The following CNTN5 variants were observed in gnomAD, a reference collection of about 807,000 sequenced individuals.
The protein encoded by CNTN5 is contactin-5.
CNTN5 carries 77 observed loss-of-function variants against 129.1 expected under a neutral mutation model. The observed-to-expected ratio is 0.60, with a 90% CI of 0.50 to 0.72. The LOEUF (loss-of-function observed/expected upper bound fraction) is 0.72, where lower values mean the gene tolerates loss of function less well. CNTN5 is among the 30% of genes least tolerant of loss of function. The probability of loss-of-function intolerance (pLI) is 0.00; values close to 1 mark genes in which losing one functional copy is unlikely to be tolerated. For synonymous variants in CNTN5, 509 were observed against 465.6 expected (o/e 1.09, Z -1.20); for missense variants, 1,478 against 1,328.8 (o/e 1.11, Z -1.75).
chr11:100,065,893 T>C (rs1943674528), intron 10 of CNTN5, among the ~76,000 whole-genome samples: 1 of 152,198 alleles, frequency 6.6e-6, no homozygotes. Flanking sequence ...ACGTTAGGTC[T>C]GATCTTTAAA....
chr11:99,634,798 T>C (rs1412184190), intron 3 of CNTN5, among the ~76,000 whole-genome samples: 1 of 152,108 alleles, frequency 6.6e-6, no homozygotes, highest in Non-Finnish European at 1.5e-5. Flanking sequence ...GGAGATGGAT[T>C]GGAACAGAAG....
chr11:99,377,226 T>C (rs923930247), intron 2 of CNTN5, among the ~76,000 whole-genome samples: 3 of 152,108 alleles, frequency 2.0e-5, no homozygotes, highest in Non-Finnish European at 4.4e-5. Context: ...GTCTCTCATA[T>C]TTTGGGGGAG....
chr11:99,238,355 A>G (rs1171279423), intron 1 of CNTN5, among the ~76,000 whole-genome samples: 1 of 152,158 alleles, frequency 6.6e-6, no homozygotes, highest in African/African-American at 2.4e-5. Flanking sequence ...ATTAGAGAGA[A>G]TCGATTGGCA....
Position 100,270,167 on chromosome 11 carries a change from A to T in CNTN5, c.2165-925A>T, listed in dbSNP as rs1591457415. Among the ~76,000 whole-genome samples the T allele has an allele frequency of 3.9e-5, 6 of 152,282 alleles. No individual in the cohort carries two copies. In the South Asian group the frequency reaches 1.2e-3, roughly 32 times the overall value. On this transcript the variant is annotated intron_variant, in intron 17 of 24. Coordinates refer to ENST00000524871, the MANE Select transcript of CNTN5 (RefSeq NM_014361.4). The stretch of plus-strand genomic sequence containing the variant: ...GGCAGCTCACACTGCCTATGCTCTG[A>T]GCATTCACCTTTCACAGAGCTACTT...
intron 1 of CNTN5, among the ~76,000 whole-genome samples, chr11:99,179,352 G>T (rs1457257870): frequency 6.6e-6 from 1 of 152,124 alleles, no homozygotes; most frequent in Non-Finnish European, 1.5e-5. Flanking sequence ...TGAGGCAGGA[G>T]AATTGCTCGA....
intron 6 of CNTN5, among the ~76,000 whole-genome samples, chr11:99,850,432 A>G (rs1947836546): frequency 1.3e-5 from 2 of 152,162 alleles, no homozygotes; most frequent in South Asian, 4.1e-4. Flanking sequence ...TGATGTAGCA[A>G]AAATAAAATT....
At chr11:99,561,946 G>A (rs1287157500) in intron 3 of CNTN5, among the ~76,000 whole-genome samples, 1 of 152,170 alleles carries the variant, frequency 6.6e-6, no homozygotes, top group Non-Finnish European at 1.5e-5. Flanking sequence ...CTGGAGATCA[G>A]AATATGCCAC....
At chr11:99,268,230 A>C (rs888907532) in intron 1 of CNTN5, among the ~76,000 whole-genome samples, 1 of 152,012 alleles carries the variant, frequency 6.6e-6, no homozygotes, top group Non-Finnish European at 1.5e-5. Flanking sequence ...TAGCTATTAA[A>C]GAAAGGTGCC....
chr11:99,580,695 A>G lies in CNTN5; in HGVS notation c.55+24426A>G, dbSNP rs1373886433. On this transcript the variant is annotated intron_variant, in intron 3 of 24. Coordinates refer to ENST00000524871, the MANE Select transcript of CNTN5 (RefSeq NM_014361.4). ...GGTGATATCCCCTTTGTCATTTTTTATTGCATCTATTTGATTCTTCTCTCT... is the reference window on the plus strand; with the variant it reads ...GGTGATATCCCCTTTGTCATTTTTTGTTGCATCTATTTGATTCTTCTCTCT... Among the ~76,000 whole-genome samples the G allele has an allele frequency of 2.6e-5, 4 of 151,444 alleles. No individual in the cohort carries two copies. In the East Asian group the frequency reaches 7.8e-4, roughly 30 times the overall value.
At chr11:100,040,109 T>A (rs1472383197) in intron 9 of CNTN5, among the ~76,000 whole-genome samples, 2 of 152,174 alleles carry the variant, frequency 1.3e-5, no homozygotes, top group Non-Finnish European at 2.9e-5. Context: ...TTTATCTACC[T>A]TTGGTCTTTG....
chr11:99,681,497 T>C lies in CNTN5; in HGVS notation c.55+125228T>C, dbSNP rs140549907. ...CCCACCAGCAGCAAAAGATGACCAT[T>C]TGTGGAAGGCTTAGATGATAGCATT... On this transcript the variant is annotated intron_variant, in intron 3 of 24. Coordinates refer to ENST00000524871, the MANE Select transcript of CNTN5 (RefSeq NM_014361.4). Among the ~76,000 whole-genome samples, 294 of 152,194 alleles carry C rather than the reference T, an allele frequency of 1.9e-3. 3 individuals are homozygous for C. Among genetic ancestry groups the C allele is most frequent in the Middle Eastern group, 6.8e-3 (2 of 294 alleles).
chr11:99,294,420 G>A (rs567856418), intron 1 of CNTN5, among the ~76,000 whole-genome samples: 4 of 152,254 alleles, frequency 2.6e-5, no homozygotes, highest in East Asian at 1.9e-4. Flanking sequence ...CATTTACAAT[G>A]AGTATGAAAA....
chr11:99,571,050 G>A (rs1265590872), intron 3 of CNTN5, among the ~76,000 whole-genome samples: 1 of 152,066 alleles, frequency 6.6e-6, no homozygotes, highest in Non-Finnish European at 1.5e-5. Context: ...AGTGATAGGT[G>A]GTGAAATAAT....
chr11:99,301,195 A>G (rs901359531), intron 1 of CNTN5, among the ~76,000 whole-genome samples: 1 of 151,850 alleles, frequency 6.6e-6, no homozygotes, highest in Non-Finnish European at 1.5e-5. Flanking sequence ...CAGAAATAAT[A>G]ATACACATAG....
At chr11:99,152,738 G>A (rs1319647985) in intron 1 of CNTN5, among the ~76,000 whole-genome samples, 1 of 152,182 alleles carries the variant, frequency 6.6e-6, no homozygotes, top group Admixed American at 6.5e-5. Flanking sequence ...GCTTTATAAT[G>A]TCAATGGTCC....
chr11:99,984,724 A>G (rs181406036), intron 8 of CNTN5, among the ~76,000 whole-genome samples: 1 of 152,374 alleles, frequency 6.6e-6, no homozygotes, highest in African/African-American at 2.4e-5. Flanking sequence ...AGAATACAGC[A>G]TATTTGGAAA....
At chr11:99,731,731 G>A (rs1430120104) in intron 3 of CNTN5, among the ~76,000 whole-genome samples, 2 of 152,028 alleles carry the variant, frequency 1.3e-5, no homozygotes, top group Admixed American at 6.6e-5. Context: ...TAAGAAATAT[G>A]TTCTGTAATC....
rs182176601 is a variant in CNTN5, at chr11:99,776,245, C to A, written c.56-43299C>A. On this transcript the variant is annotated intron_variant, in intron 3 of 24. Transcript: ENST00000524871. ...TATTATGCTGCAGAAGCCACACACA[C>A]AGCATCCTGTAGGAGTACAGAGAAG... Among the ~76,000 whole-genome samples the A allele has an allele frequency of 1.8e-3, 278 of 152,072 alleles. 4 individuals carry two copies. Among genetic ancestry groups the A allele is most frequent in the Admixed American group, 0.016 (239 of 15,218 alleles).
intron 13 of CNTN5, among the ~76,000 whole-genome samples, chr11:100,147,578 T>C (rs1029301871): frequency 2.2e-4 from 33 of 152,214 alleles, no homozygotes; most frequent in African/African-American, 7.2e-4. Context: ...TCCACCATTT[T>C]CTCCAATTCA....
Sources: gnomAD v4.1 joint callset for allele counts (sites outside exome capture counted in the v4.1 genomes callset) on GRCh38, gnomAD v4.1.1 for gene constraint, MANE v1.5 for transcripts, NCBI Gene and HGNC (gene_info 2026-07-23, HGNC 2026-07-21) for gene names.